The following SSUH2 variants were observed in gnomAD, a reference collection of about 807,000 sequenced individuals.
SSUH2 encodes the protein protein SSUH2 homolog.
In SSUH2, 47 loss-of-function variants were observed where a neutral mutation model predicts 55.3. The ratio of observed to expected loss-of-function variants is 0.85; its 90% CI spans 0.67 to 1.08. SSUH2 has a LOEUF of 1.08. Ranked by LOEUF, SSUH2 falls within the 50% of genes least tolerant of loss-of-function variation. The pLI is 0.00. For synonymous variants in SSUH2, 212 were observed against 191.5 expected, an observed-to-expected ratio of 1.11 and a Z score of -0.89; for missense variants, 535 against 490.7, an observed-to-expected ratio of 1.09 and a Z score of -0.85.
chr3:8,624,568 AGCCAATCTCTCTGCCAAG>A (rs1697141180), intron 10 of SSUH2, among the ~76,000 whole-genome samples: 2 of 152,202 alleles, frequency 1.3e-5, no homozygotes, highest in South Asian at 4.1e-4. Context: ...GTCCCATTGA[AGCCAATCTCTCTGCCAAG>A]GCCAACGGCA....
intron 7 of SSUH2, 111 bp from the exon 8 acceptor site, chr3:8,627,894 T>C: frequency 2.4e-6 from 2 of 820,970 alleles, no homozygotes; most frequent in Non-Finnish European, 3.7e-6. Flanking sequence ...CCCCTGGGCC[T>C]TAGCCCCTTC....
In SSUH2 at chr3:8,619,834, G is replaced by A. The variant is rs1217872588; in HGVS notation, c.*34C>T. 1.3e-5 allele frequency: 21 copies of A among 1,604,412 alleles called. No individual in the cohort carries two copies. The highest frequency in any genetic ancestry group is 9.4e-5 in the African/African-American group (7 of 74,730). On this transcript the variant is annotated 3_prime_UTR_variant, in exon 12 of 12. Transcript: ENST00000544814. The stretch of plus-strand genomic sequence containing the variant: ...GTGTCGGCCATCTTCCTTGGCAAAC[G>A]TGAATGGCAGGCTCTGGGGACAGCC...
chr3:8,647,583 G>A (rs1701863276), upstream of SSUH2, among the ~76,000 whole-genome samples: 1 of 152,192 alleles, frequency 6.6e-6, no homozygotes. Flanking sequence ...AACAGTGCCT[G>A]GTCTGGTTAT....
chr3:8,675,556 T>G (rs897257327), intron 3 of SSUH2, among the ~76,000 whole-genome samples: 1 of 151,488 alleles, frequency 6.6e-6, no homozygotes, highest in African/African-American at 2.4e-5. Context: ...ACCTTACTTG[T>G]GATTTACTAT....
chr3:8,647,282 T>C (rs1445489281), upstream of SSUH2, among the ~76,000 whole-genome samples: 8 of 152,212 alleles, frequency 5.3e-5, no homozygotes. Flanking sequence ...TGCGCAGGCA[T>C]GCGGAGAGCT....
At chr3:8,667,711 TC>T (rs1559526626) in intron 5 of SSUH2, among the ~76,000 whole-genome samples, 1 of 152,142 alleles carries the variant, frequency 6.6e-6, no homozygotes, top group African/African-American at 2.4e-5. Flanking sequence ...TCAGCCCCTC[TC>T]CCCTCCTGGG....
intron 6 of SSUH2, among the ~76,000 whole-genome samples, chr3:8,630,568 G>A (rs1698559477): frequency 6.6e-6 from 1 of 152,222 alleles, no homozygotes; most frequent in Non-Finnish European, 1.5e-5. Context: ...GTGACGATTT[G>A]TAAATCGGAT....
intron 3 of SSUH2, among the ~76,000 whole-genome samples, chr3:8,676,909 T>A (rs1705385433): frequency 7.5e-6 from 1 of 132,988 alleles, no homozygotes; most frequent in South Asian, 2.5e-4. Context: ...AGCCAGCCCC[T>A]CTTTCCCCCC....
At chr3:8,633,820 G>A (rs201775949) in intron 3 of SSUH2, 25 bp from the exon 4 acceptor site, 216 of 1,612,814 alleles carry the variant, frequency 1.3e-4, no homozygotes, top group Non-Finnish European at 1.6e-4. Context: ...ACAGAGAGGC[G>A]GGGGCTTCTG....
At chr3:8,655,603 T>C (rs1225424823) in intron 7 of SSUH2, among the ~76,000 whole-genome samples, 1 of 152,236 alleles carries the variant, frequency 6.6e-6, no homozygotes, top group Non-Finnish European at 1.5e-5. Flanking sequence ...CCACAACCTC[T>C]ATCTATTTCA....
At chr3:8,657,686 C>T (rs1048634462) in intron 7 of SSUH2, among the ~76,000 whole-genome samples, 8 of 152,120 alleles carry the variant, frequency 5.3e-5, no homozygotes, top group Non-Finnish European at 1.2e-4. Flanking sequence ...GCTCTTTCTA[C>T]CACATCCTAC....
upstream of SSUH2, chr3:8,644,809 C>A (rs747391986): frequency 6.6e-7 from 1 of 1,520,626 alleles, no homozygotes; most frequent in Non-Finnish European, 8.8e-7. Flanking sequence ...GTGCTTGGAC[C>A]GATGTGCTCT....
At chr3:8,633,526 T>C (rs889198724) in intron 4 of SSUH2, 140 bp downstream of exon 4, 2 of 580,634 alleles carry the variant, frequency 3.4e-6, no homozygotes, top group East Asian at 6.3e-5. Flanking sequence ...GGATTCAACA[T>C]CACCACCGCT....
rs1559296174 is a variant in SSUH2, at chr3:8,625,609, A to G, written c.806T>C (p.Leu269Pro). The change falls in exon 10 of 12, where the codon CTC becomes CCC. Residue 269 changes from leucine to proline, a missense_variant. Physicochemically the swap from Leu to Pro is moderately conservative, Grantham distance 98. Transcript: ENST00000544814. ...AGCAAGGAGCTCCCTGGGGCAGTTG[A>G]GCCGGTGCTCAGACACAAACTCAAA... Reference protein sequence around the residue: ...SLFEFVSEHRLNCPRELLAKA... With the variant: ...SLFEFVSEHRPNCPRELLAKA... 3 of 1,613,950 alleles carry G rather than the reference A, an allele frequency of 1.9e-6. No homozygotes were observed. The highest frequency in any genetic ancestry group is 8.5e-7 in the Non-Finnish European group (1 of 1,179,958).
chr3:8,631,054 G>T, intron 5 of SSUH2, 125 bp from the exon 6 acceptor site: 1 of 1,023,568 alleles, frequency 9.8e-7, no homozygotes, highest in Non-Finnish European at 1.3e-6. Context: ...GGGGCTACAG[G>T]GATGGATAGT....
chr3:8,648,300 C>T (rs531335565), upstream of SSUH2, among the ~76,000 whole-genome samples: 15 of 152,282 alleles, frequency 9.9e-5, no homozygotes, highest in Admixed American at 2.6e-4. Flanking sequence ...AGATGACAAA[C>T]AATTCTGTGT....
intron 7 of SSUH2, among the ~76,000 whole-genome samples, chr3:8,658,441 G>T (rs1410737632): frequency 6.6e-6 from 1 of 152,208 alleles, no homozygotes; most frequent in African/African-American, 2.4e-5. Flanking sequence ...AGGACTGTTT[G>T]CTTTCCACTT....
intron 2 of SSUH2, among the ~76,000 whole-genome samples, chr3:8,679,452 AG>A (rs1207914481): frequency 9.0e-5 from 11 of 122,538 alleles, no homozygotes; most frequent in African/African-American, 3.1e-4. Context: ...CAGCGGGGGG[AG>A]GCACCCCCCG....
At chr3:8,679,203 T>C (rs1575414401) in intron 2 of SSUH2, among the ~76,000 whole-genome samples, 1 of 68,790 alleles carries the variant, frequency 1.5e-5, no homozygotes, top group Admixed American at 1.5e-4. Context: ...GGGACCCCCA[T>C]CGCAGGGGGG....
Sources: allele counts gnomAD v4.1 joint callset (sites outside exome capture counted in the v4.1 genomes callset), GRCh38; gene constraint gnomAD v4.1.1; transcripts MANE v1.5; gene names NCBI Gene and HGNC (gene_info 2026-07-23, HGNC 2026-07-21).